Variants in SP140 observed in about 807,000 individuals in gnomAD.
SP140 encodes nuclear body protein SP140.
A neutral mutation model predicts 125.0 loss-of-function variants in SP140; 81 were observed. The observed-to-expected ratio is 0.65, with a 90% CI of 0.54 to 0.78. The LOEUF (loss-of-function observed/expected upper bound fraction) is 0.78. Ranked by LOEUF, SP140 falls within the 30% of genes least tolerant of loss-of-function variation. SP140 has a pLI of 0.00. For synonymous variants in SP140, 312 were observed against 354.0 expected, an observed-to-expected ratio of 0.88 and a Z score of 1.33; for missense variants, 858 against 1,037.0, an observed-to-expected ratio of 0.83 and a Z score of 2.37.
intron 18 of SP140, among the ~76,000 whole-genome samples, chr2:230,288,455 ATCTTTCTTTCTTTCTTTCTTTCTTTCTT>A (rs34638665): frequency 2.5e-4 from 31 of 123,630 alleles, no homozygotes; most frequent in African/African-American, 4.4e-4. Context: ...TAGGCCAACT[ATCTTTCTTTCTTTCTTTCTTTCTTTCTT>A]TCTTTCTTTC....
At chr2:230,240,324 T>G (rs1051257861) in intron 3 of SP140, among the ~76,000 whole-genome samples, 1 of 151,964 alleles carries the variant, frequency 6.6e-6, no homozygotes, top group African/African-American at 2.4e-5. Context: ...AAGTTAGATG[T>G]CAACAAATTA....
At chr2:230,309,826 G>T (rs367780178) in intron 22 of SP140, 98 bp from the exon 23 acceptor site, 2 of 1,216,216 alleles carry the variant, frequency 1.6e-6, no homozygotes, top group East Asian at 2.4e-5. Context: ...GCCTGTCCAT[G>T]CAGGTTCACA....
At chr2:230,239,176 C>A in intron 3 of SP140, 2 of 586,070 alleles carry the variant, frequency 3.4e-6, no homozygotes, top group Non-Finnish European at 4.8e-6. Context: ...ATGATACATC[C>A]AAGTCAGAGA....
intron 1 of SP140, chr2:230,213,059 C>T: frequency 6.2e-7 from 1 of 1,610,450 alleles, no homozygotes; most frequent in Non-Finnish European, 8.5e-7. Flanking sequence ...ACATCAGTAC[C>T]CTGGAGACTC....
chr2:230,189,995 A>G, the SP140 span, among the ~76,000 whole-genome samples: 1 of 152,148 alleles, frequency 6.6e-6, no homozygotes, highest in African/African-American at 2.4e-5. Context: ...GCTATGGTAA[A>G]TACTGCTGCG....
At chr2:230,300,757 A>G (rs867970872) in intron 22 of SP140, among the ~76,000 whole-genome samples, 1 of 152,248 alleles carries the variant, frequency 6.6e-6, no homozygotes, top group Non-Finnish European at 1.5e-5. Flanking sequence ...AACACCCCCA[A>G]AAGATCACGT....
intron 8 of SP140, 78 bp from the exon 9 acceptor site, chr2:230,248,807 A>C: frequency 1.7e-6 from 2 of 1,197,964 alleles, no homozygotes; most frequent in Non-Finnish European, 1.2e-6. Flanking sequence ...GCATTTGCCC[A>C]TCTTGGATGG....
At chr2:230,191,200 A>G in the SP140 span, among the ~76,000 whole-genome samples, 1 of 152,180 alleles carries the variant, frequency 6.6e-6, no homozygotes, top group Non-Finnish European at 1.5e-5. Context: ...AAAGATCTCA[A>G]ATGGACACCC....
At chr2:230,307,074 G>T (rs1415088670) in intron 22 of SP140, among the ~76,000 whole-genome samples, 1 of 152,148 alleles carries the variant, frequency 6.6e-6, no homozygotes, top group Non-Finnish European at 1.5e-5. Context: ...AGAACATCCT[G>T]GACAACCAGC....
chr2:230,187,041 TG>T, the SP140 span, among the ~76,000 whole-genome samples: 1 of 152,214 alleles, frequency 6.6e-6, no homozygotes, highest in Non-Finnish European at 1.5e-5. Context: ...CTGGATGGAA[TG>T]GTAGATCTAC....
rs573856397 is a variant in SP140, at chr2:230,242,674, C to T, written c.491-1057C>T. On this transcript the variant is annotated intron_variant, in intron 4 of 26. Transcript: ENST00000392045. ...TCTGCAGCACTCTTTCTCTCAGAGA[C>T]GGATCACTATTATCCCATGGTTTTT... Among the ~76,000 whole-genome samples the T allele has an allele frequency of 1.1e-4, 16 of 152,264 alleles. No homozygotes were observed. The East Asian group carries it at 1.4e-3, about 13-fold the overall frequency.
chr2:230,224,525 G>C (rs964914889), upstream of SP140, among the ~76,000 whole-genome samples: 1 of 151,616 alleles, frequency 6.6e-6, no homozygotes, highest in African/African-American at 2.4e-5. Context: ...CAGAGAGAGA[G>C]AGAGAGAGGA....
chr2:230,227,844 T>C (rs2046688923), intron 1 of SP140, among the ~76,000 whole-genome samples: 1 of 152,202 alleles, frequency 6.6e-6, no homozygotes, highest in African/African-American at 2.4e-5. Flanking sequence ...ATTAATTAAC[T>C]CTTTGAAAAG....
chr2:230,240,589 T>G (rs2048587476), intron 3 of SP140, among the ~76,000 whole-genome samples: 1 of 152,314 alleles, frequency 6.6e-6, no homozygotes, highest in South Asian at 2.1e-4. Context: ...ATGAGGGAAA[T>G]GCAAATTAAA....
intron 22 of SP140, among the ~76,000 whole-genome samples, chr2:230,300,491 C>A (rs995994393): frequency 1.3e-5 from 2 of 152,172 alleles, no homozygotes; most frequent in South Asian, 4.1e-4. Flanking sequence ...TTTGCAGATA[C>A]TCCCCAGTAC....
In SP140 at chr2:230,255,539, ACGG is replaced by A. The variant is rs1408978805; in HGVS notation, c.1240+8_1240+10del. The A allele has an allele frequency of 1.4e-6, 2 of 1,454,600 alleles. No homozygotes were observed. Among genetic ancestry groups the A allele is most frequent in the Non-Finnish European group, 1.8e-6 (2 of 1,097,666 alleles). The allele number at this position is 1,454,600 out of a possible 1,614,324, so 90.1% of individuals were successfully genotyped here. A position where few individuals can be genotyped will look rare whatever the true frequency, so the allele number is the denominator to read the frequency against. ...CTAGCAAGACGTGGGTCAGGTAAGG[ACGG>A]GGGGGGGGATTTCTGGCCCTGGGCT... On this transcript the variant is annotated splice_region_variant and intron_variant, in intron 12 of 26. Coordinates refer to ENST00000392045, the MANE Select transcript of SP140 (RefSeq NM_007237.5).
At chr2:230,295,318 A>T (rs1329710891) in intron 21 of SP140, among the ~76,000 whole-genome samples, 1 of 152,232 alleles carries the variant, frequency 6.6e-6, no homozygotes, top group African/African-American at 2.4e-5. Flanking sequence ...CCTTTACATT[A>T]TCTGATATAC....
upstream of SP140, chr2:230,202,453 A>C: frequency 5.4e-5 from 41 of 755,406 alleles, no homozygotes; most frequent in Non-Finnish European, 6.0e-5. Flanking sequence ...GTTATACCCC[A>C]TCCTCATTCT....
At chr2:230,245,653 G>T (rs555161069) in intron 6 of SP140, among the ~76,000 whole-genome samples, 1 of 152,190 alleles carries the variant, frequency 6.6e-6, no homozygotes, top group East Asian at 1.9e-4. Context: ...TAAAGACAGG[G>T]TTAGAGGGAG....
Sources: allele counts gnomAD v4.1 joint callset (sites outside exome capture counted in the v4.1 genomes callset), GRCh38; gene constraint gnomAD v4.1.1; transcripts MANE v1.5; gene names NCBI Gene and HGNC (gene_info 2026-07-23, HGNC 2026-07-21).